The following IMPG1 variants were observed in gnomAD, a reference collection of about 807,000 sequenced individuals.
IMPG1 encodes interphotoreceptor matrix proteoglycan 1.
IMPG1 carries 85 observed loss-of-function variants against 92.0 expected under a neutral mutation model. The ratio of observed to expected loss-of-function variants is 0.92; its 90% confidence interval spans 0.78 to 1.11. The LOEUF is 1.11. Ranked by LOEUF, IMPG1 falls within the 50% of genes least tolerant of loss-of-function variation. IMPG1 has a pLI of 0.00. For synonymous variants in IMPG1, 367 were observed against 334.1 expected (o/e 1.10, Z -1.08); for missense variants, 1,022 against 956.0 (o/e 1.07, Z -0.91).
intron 1 of IMPG1, among the ~76,000 whole-genome samples, chr6:76,052,208 A>G (rs956699100): frequency 2.0e-5 from 3 of 152,118 alleles, no homozygotes; most frequent in Non-Finnish European, 4.4e-5. Flanking sequence ...AATGTCAGGG[A>G]GTGAAGAGGT....
chr6:75,992,308 C>T (rs910993943), intron 12 of IMPG1, among the ~76,000 whole-genome samples: 2 of 152,214 alleles, frequency 1.3e-5, no homozygotes, highest in Non-Finnish European at 2.9e-5. Context: ...CTCTCCCTCT[C>T]TCTCTTTCTC....
At chr6:76,015,907 G>A (rs151284025) in intron 7 of IMPG1, among the ~76,000 whole-genome samples, 41 of 152,070 alleles carry the variant, frequency 2.7e-4, no homozygotes, top group Non-Finnish European at 5.0e-4. Context: ...AAAAATAGGA[G>A]GCATGACATG....
chr6:75,939,319 AG>A (rs1781800418), intron 14 of IMPG1, among the ~76,000 whole-genome samples: 1 of 152,114 alleles, frequency 6.6e-6, no homozygotes, highest in African/African-American at 2.4e-5. Context: ...ATTTAACATT[AG>A]GTATATCTCC....
intron 1 of IMPG1, among the ~76,000 whole-genome samples, chr6:76,065,114 T>G (rs987363525): frequency 6.6e-6 from 1 of 151,796 alleles, no homozygotes; most frequent in Admixed American, 6.6e-5. Context: ...GCAAATAAAT[T>G]CAAAAATGAA....
At chr6:76,061,465 A>G (rs1784203864) in intron 1 of IMPG1, among the ~76,000 whole-genome samples, 1 of 152,200 alleles carries the variant, frequency 6.6e-6, no homozygotes, top group Non-Finnish European at 1.5e-5. Flanking sequence ...GAAGCAAAAT[A>G]CCTTTTGTGT....
chr6:76,042,109 A>G lies in IMPG1; in HGVS notation c.85T>C (p.Tyr29His), dbSNP rs1212834137. The G allele has an allele frequency of 7.7e-6, 12 of 1,554,616 alleles. No individual in the cohort carries two copies. The highest frequency in any genetic ancestry group is 1.4e-5 in the African/African-American group (1 of 73,684). Residue 29 changes from tyrosine (Y) to histidine (H), a missense_variant, in exon 2 of 17, where the codon TAC becomes CAC. By Grantham distance (83) the Tyr-to-His change is moderately conservative. This residue lies in a region of IMPG1 where 681 missense variants were observed against 583.6 expected (regional missense o/e 1.17). Coordinates refer to ENST00000369950, the MANE Select transcript of IMPG1 (RefSeq NM_001563.4). The stretch of plus-strand genomic sequence containing the variant: ...TCTATGTCTTTAGTTTCAGAATGGT[A>G]TATGTTAATGGAGATATCTGTAAAA... The part of the protein sequence containing the change: ...QGTKDISINI[Y>H]HSETKDIDNP...
rs142008666 is a variant in IMPG1, at chr6:76,000,958, A to C, written c.1291+1960T>G. Among the ~76,000 whole-genome samples, 1,474 of 152,302 alleles carry C rather than the reference A, an allele frequency of 9.7e-3. 25 individuals carry two copies. Among genetic ancestry groups the C allele is most frequent in the African/African-American group, 0.034 (1,398 of 41,552 alleles). ...ACTTAAGCCAAACATAGTATAATAG[A>C]TGTAGAAAACTTGAATAACGATCCT... On this transcript the variant is annotated intron_variant, in intron 12 of 16. Coordinates refer to ENST00000369950, the MANE Select transcript of IMPG1 (RefSeq NM_001563.4).
intron 12 of IMPG1, among the ~76,000 whole-genome samples, chr6:75,998,810 G>A (rs1170506342): frequency 6.6e-6 from 1 of 152,172 alleles, no homozygotes; most frequent in African/African-American, 2.4e-5. Flanking sequence ...TTGTGTGGAG[G>A]ACAGAATATC....
intron 1 of IMPG1, among the ~76,000 whole-genome samples, chr6:76,064,038 G>C (rs1435975949): frequency 6.6e-6 from 1 of 152,162 alleles, no homozygotes; most frequent in African/African-American, 2.4e-5. Context: ...GGAATGGAGA[G>C]GGGGACTACT....
chr6:76,026,625 C>T (rs1260307433), intron 4 of IMPG1, among the ~76,000 whole-genome samples: 2 of 152,234 alleles, frequency 1.3e-5, no homozygotes, highest in African/African-American at 2.4e-5. Context: ...AAGGGTTCAG[C>T]TCCATCGGAC....
chr6:76,001,006 T>C (rs1244057229), intron 12 of IMPG1, among the ~76,000 whole-genome samples: 1 of 152,228 alleles, frequency 6.6e-6, no homozygotes, highest in East Asian at 1.9e-4. Context: ...AGCTATGATA[T>C]GACCTTGAAC....
Position 75,947,339 on chromosome 6 carries a change from G to A in IMPG1, c.2019C>T (p.Asp673=), listed in dbSNP as rs1781943462. 6.2e-7 allele frequency: 1 copy of A among 1,613,658 alleles called. No individual in the cohort carries two copies. The highest frequency in any genetic ancestry group is 8.5e-7 in the Non-Finnish European group (1 of 1,179,612). ...AAAQQLHLEI[D]SYSLNIEPAD... is the part of the protein sequence containing the mutation. ...CTGGTTCAATGTTGAGAGAGTAGCT[G>A]TCTATTTCCAGATGGAGTTGTTGGG... The change falls in exon 14 of 17, where the codon GAC becomes GAT. Residue 673 remains aspartate (D), a synonymous_variant. Coordinates refer to ENST00000369950, the MANE Select transcript of IMPG1 (RefSeq NM_001563.4).
At chr6:75,970,874 T>A (rs1174777787) in intron 12 of IMPG1, among the ~76,000 whole-genome samples, 1 of 152,224 alleles carries the variant, frequency 6.6e-6, no homozygotes, top group Non-Finnish European at 1.5e-5. Context: ...TAACTTCATA[T>A]GTAAACTAGT....
At chr6:76,021,687 T>G (rs1343355357) in intron 6 of IMPG1, among the ~76,000 whole-genome samples, 2 of 149,358 alleles carry the variant, frequency 1.3e-5, no homozygotes, top group Non-Finnish European at 3.0e-5. Context: ...GAACAAAACC[T>G]TCACTCTTGT....
At chr6:75,930,032 C>T (rs1336748075) in intron 15 of IMPG1, among the ~76,000 whole-genome samples, 2 of 152,146 alleles carry the variant, frequency 1.3e-5, no homozygotes, top group Admixed American at 1.3e-4. Context: ...GGATGTTCAT[C>T]CTTTGTCTGT....
At chr6:76,006,866 C>T (rs981510635) in intron 9 of IMPG1, among the ~76,000 whole-genome samples, 5 of 151,952 alleles carry the variant, frequency 3.3e-5, no homozygotes. Flanking sequence ...TAGTTCATGT[C>T]ATAAATCTAG....
chr6:76,056,937 C>T (rs1451004553), intron 1 of IMPG1, among the ~76,000 whole-genome samples: 2 of 152,222 alleles, frequency 1.3e-5, no homozygotes, highest in East Asian at 1.9e-4. Flanking sequence ...AAATGTGGTA[C>T]ATATACACCA....
intron 12 of IMPG1, among the ~76,000 whole-genome samples, chr6:75,992,582 A>C (rs1562362024): frequency 6.6e-6 from 1 of 152,146 alleles, no homozygotes; most frequent in Non-Finnish European, 1.5e-5. Flanking sequence ...AATACAGAAC[A>C]AAATCCTCCA....
chr6:76,046,167 C>G (rs576957958), intron 1 of IMPG1, among the ~76,000 whole-genome samples: 1 of 152,162 alleles, frequency 6.6e-6, no homozygotes, highest in African/African-American at 2.4e-5. Context: ...CCTATTTCTG[C>G]CCTCTGGTAT....
Sources: allele counts gnomAD v4.1 joint callset (sites outside exome capture counted in the v4.1 genomes callset), GRCh38; gene constraint gnomAD v4.1.1; regional missense constraint gnomAD v4.1.1; transcripts MANE v1.5; gene names NCBI Gene and HGNC (gene_info 2026-07-23, HGNC 2026-07-21).